The following HSD17B3 variants were observed in gnomAD, a reference collection of about 807,000 sequenced individuals.
HSD17B3 encodes 17-beta-hydroxysteroid dehydrogenase type 3.
A neutral mutation model predicts 41.1 loss-of-function variants in HSD17B3; 29 were observed. The ratio of observed to expected loss-of-function variants is 0.71; its 90% CI spans 0.53 to 0.96. The LOEUF is 0.96. Ranked by LOEUF, HSD17B3 falls within the 40% of genes least tolerant of loss-of-function variation. HSD17B3 has a pLI of 0.00. For synonymous variants in HSD17B3, 126 were observed against 145.6 expected (o/e 0.87, Z 0.97); for missense variants, 323 against 374.6 (o/e 0.86, Z 1.14).
chr9:96,244,947 G>A (rs1316295566), intron 8 of HSD17B3, among the ~76,000 whole-genome samples: 1 of 152,064 alleles, frequency 6.6e-6, no homozygotes, highest in Non-Finnish European at 1.5e-5. Context: ...TCCATCCCTA[G>A]GGCCCCTGCA....
In HSD17B3 at chr9:96,244,398, G is replaced by A. The variant is rs907455179; in HGVS notation, c.607-4C>T. The A allele has an allele frequency of 6.9e-5, 112 of 1,613,992 alleles. No individual in the cohort carries two copies. The highest frequency in any genetic ancestry group is 9.2e-5 in the Non-Finnish European group (109 of 1,180,028). On this transcript the variant is annotated splice_region_variant and splice_polypyrimidine_tract_variant and intron_variant, in intron 8 of 10. Transcript: ENST00000375263. ...TGGAAAATGCGCACACAAACGCCTG[G>A]AGCAAGAAGGAGAGACACCTGAGGC... is the stretch of plus-strand genomic sequence containing the variant.
chr9:96,302,016 C>T lies in HSD17B3; in HGVS notation c.89G>A (p.Cys30Tyr), dbSNP rs1827633003. 1 of 1,614,046 alleles carries T rather than the reference C, an allele frequency of 6.2e-7. No individual in the cohort carries two copies. The highest frequency in any genetic ancestry group is 1.3e-5 in the African/African-American group (1 of 74,916). ...AACTTTCCAGTAGTTCAGTAAAACACATCTGGAGAATCTCACGCACTTCGC... is the reference window on the plus strand; with the variant it reads ...AACTTTCCAGTAGTTCAGTAAAACATATCTGGAGAATCTCACGCACTTCGC... The part of the protein sequence containing the change: ...CLAKCVRFSR[C>Y]VLLNYWKVLP... The change falls in exon 1 of 11, where the codon TGT (cysteine) becomes TAT (tyrosine). Residue 30 changes from cysteine (C) to tyrosine (Y), a missense_variant. Coordinates refer to ENST00000375263, the MANE Select transcript of HSD17B3 (RefSeq NM_000197.2).
intron 1 of HSD17B3, among the ~76,000 whole-genome samples, chr9:96,301,203 C>G (rs978684889): frequency 2.0e-5 from 3 of 152,048 alleles, no homozygotes; most frequent in African/African-American, 7.2e-5. Flanking sequence ...TTTTCTAATC[C>G]CCCCAATTAA....
intron 2 of HSD17B3, among the ~76,000 whole-genome samples, chr9:96,257,779 A>G (rs1825724466): frequency 1.3e-5 from 2 of 152,174 alleles, no homozygotes; most frequent in African/African-American, 4.8e-5. Context: ...TAATTCCTAT[A>G]TACTGTATAG....
At chr9:96,261,676 G>A (rs1564038124) in intron 2 of HSD17B3, among the ~76,000 whole-genome samples, 2 of 152,240 alleles carry the variant, frequency 1.3e-5, no homozygotes, top group Non-Finnish European at 2.9e-5. Context: ...CAGGGAAACA[G>A]TCGGTATCAG....
chr9:96,272,785 G>A (rs1826316323), intron 2 of HSD17B3, among the ~76,000 whole-genome samples: 1 of 152,026 alleles, frequency 6.6e-6, no homozygotes, highest in South Asian at 2.1e-4. Flanking sequence ...AGCTTTATTT[G>A]TATAGCCAAA....
At chr9:96,255,050 AT>A in intron 2 of HSD17B3, 107 bp from the exon 3 acceptor site, 1 of 933,642 alleles carries the variant, frequency 1.1e-6, no homozygotes, top group Non-Finnish European at 1.7e-6. Flanking sequence ...GCAGGGTGAC[AT>A]GGTTGCTTCA....
At chr9:96,249,188 C>T (rs1836794308) in intron 6 of HSD17B3, among the ~76,000 whole-genome samples, 1 of 152,192 alleles carries the variant, frequency 6.6e-6, no homozygotes, top group Non-Finnish European at 1.5e-5. Context: ...CAGGCATGAG[C>T]CACCACGCCC....
At chr9:96,267,984 G>A (rs1273797030) in intron 2 of HSD17B3, among the ~76,000 whole-genome samples, 2 of 152,094 alleles carry the variant, frequency 1.3e-5, no homozygotes, top group Admixed American at 1.3e-4. Flanking sequence ...GAGTGCAGTG[G>A]TGCGATCTCA....
chr9:96,272,263 A>C (rs951553160), intron 2 of HSD17B3, among the ~76,000 whole-genome samples: 4 of 149,644 alleles, frequency 2.7e-5, no homozygotes, highest in Non-Finnish European at 5.9e-5. Flanking sequence ...CAGCTACTCA[A>C]GTACTCAAGA....
At chr9:96,285,728 C>G (rs540099086) in intron 2 of HSD17B3, among the ~76,000 whole-genome samples, 3 of 152,238 alleles carry the variant, frequency 2.0e-5, no homozygotes, top group African/African-American at 7.2e-5. Flanking sequence ...AATATTGATG[C>G]CTTCTCACTG....
rs990665962 is a variant in HSD17B3 at position 96,289,206 on chromosome 9, T to C, written c.201+9210A>G. Reference sequence around the variant, plus strand: ...GTTGATTTCCTGGTGTGTGTGTGTGTGTGTGTGTGTGTGTATGTGTGTGTG... The same window carrying C: ...GTTGATTTCCTGGTGTGTGTGTGTGCGTGTGTGTGTGTGTATGTGTGTGTG... On this transcript the variant is annotated intron_variant, in intron 2 of 10. Transcript: ENST00000375263. 8.1e-5 allele frequency among the ~76,000 whole-genome samples: 12 copies of C among 148,308 alleles called. No homozygotes were observed. The East Asian group carries it at 2.6e-3, about 33-fold the overall frequency.
At chr9:96,288,676 C>T (rs927444915) in intron 2 of HSD17B3, among the ~76,000 whole-genome samples, 2 of 152,012 alleles carry the variant, frequency 1.3e-5, no homozygotes, top group African/African-American at 2.4e-5. Flanking sequence ...GTGGCTCATG[C>T]GTGTAATCCC....
intron 5 of HSD17B3, chr9:96,250,423 C>T (rs1217921878): frequency 2.4e-5 from 26 of 1,067,568 alleles, no homozygotes; most frequent in Non-Finnish European, 3.0e-5. Context: ...CAGCAGCGCC[C>T]AAGCAGTCTG....
intron 5 of HSD17B3, chr9:96,250,094 A>T (rs1836834188): frequency 1.0e-5 from 14 of 1,343,944 alleles, no homozygotes; most frequent in Middle Eastern, 5.7e-4. Context: ...GAGCTACTCC[A>T]TTCTCAGCTG....
Position 96,284,215 on chromosome 9 carries a change from T to TA in HSD17B3, c.201+14200dup, listed in dbSNP as rs569621446. Among the ~76,000 whole-genome samples the TA allele has an allele frequency of 5.3e-3, 529 of 100,194 alleles. 7 individuals are homozygous for TA. The highest frequency in any genetic ancestry group is 0.02 in the South Asian group (55 of 2,718). 65.7% of individuals were successfully genotyped at this position (100,194 alleles called of 152,430 possible). A position where few individuals can be genotyped will look rare whatever the true frequency, so the allele number is the denominator to read the frequency against. ...TGGGTGACAAAGTGAGACTCCATCT[T>TA]AAAAAAAAAAAAAAAAAAAAAAAAA... On this transcript the variant is annotated intron_variant, in intron 2 of 10. Transcript: ENST00000375263.
At chr9:96,296,527 A>C (rs1020394727) in intron 2 of HSD17B3, among the ~76,000 whole-genome samples, 1 of 152,226 alleles carries the variant, frequency 6.6e-6, no homozygotes, top group African/African-American at 2.4e-5. Context: ...AACATAGTGG[A>C]AAGCACTGGA....
At chr9:96,281,400 C>A (rs1324328187) in intron 2 of HSD17B3, among the ~76,000 whole-genome samples, 1 of 152,108 alleles carries the variant, frequency 6.6e-6, no homozygotes, top group Non-Finnish European at 1.5e-5. Context: ...AGAGGCCCAA[C>A]TTAGGGGAGT....
chr9:96,289,437 C>G (rs1451286129), intron 2 of HSD17B3, among the ~76,000 whole-genome samples: 1 of 152,178 alleles, frequency 6.6e-6, no homozygotes, highest in African/African-American at 2.4e-5. Flanking sequence ...ATCCCCAAGT[C>G]TTCTCTCTTG....
Sources: allele counts gnomAD v4.1 joint callset (sites outside exome capture counted in the v4.1 genomes callset), GRCh38; gene constraint gnomAD v4.1.1; transcripts MANE v1.5; gene names NCBI Gene and HGNC (gene_info 2026-07-23, HGNC 2026-07-21).